Variants in FBXW9 observed in about 807,000 individuals in gnomAD.
The protein encoded by FBXW9 is F-box/WD repeat-containing protein 9.
A neutral mutation model predicts 55.8 loss-of-function variants in FBXW9; 38 were observed. The ratio of observed to expected loss-of-function variants is 0.68; its 90% CI spans 0.53 to 0.89. FBXW9 has a LOEUF of 0.89. Among genes scored for constraint, FBXW9 ranks in the 40% least tolerant of loss-of-function variants. FBXW9 has a pLI of 0.00. For synonymous variants in FBXW9, 289 were observed against 278.2 expected, an observed-to-expected ratio of 1.04 and a Z score of -0.38; for missense variants, 590 against 619.4, an observed-to-expected ratio of 0.95 and a Z score of 0.50.
At position 12,696,220 on chromosome 19, in the gene FBXW9, C is replaced by T. The variant is rs1424804142; in HGVS notation, c.362G>A (p.Arg121Lys). 1.9e-6 allele frequency: 3 copies of T among 1,557,200 alleles called. No individual in the cohort carries two copies. Among genetic ancestry groups the T allele is most frequent in the African/African-American group, 2.7e-5 (2 of 73,330 alleles). Reference sequence around the variant, plus strand: ...GCGTACGCGGCGTAGCGCGCGTAGCCTCCAGGTGACATGGTCAGACACGAG... The same window carrying T: ...GCGTACGCGGCGTAGCGCGCGTAGCTTCCAGGTGACATGGTCAGACACGAG... ...RDLVSDHVTWRLRALRRVRAP... is the reference protein window; with the variant it reads ...RDLVSDHVTWKLRALRRVRAP... The change falls in exon 1 of 10, where the codon AGG becomes AAG. Residue 121 changes from arginine (R) to lysine (K), a missense_variant. Coordinates refer to ENST00000393261, the MANE Select transcript of FBXW9 (RefSeq NM_032301.3).
Position 12,689,389 on chromosome 19 carries a change from C to T in FBXW9, c.1285G>A (p.Asp429Asn), listed in dbSNP as rs1299390528. Reference sequence around the variant, plus strand: ...GACCTTACCCTATTGAGCCCATTGTCATGCCTTCGGGTGCAAATGGTCCTT... The same window carrying T: ...GACCTTACCCTATTGAGCCCATTGTTATGCCTTCGGGTGCAAATGGTCCTT... The part of the protein sequence containing the change: ...PPRTICTRRH[D>N]NGLNRVCAEG... The change falls in exon 9 of 10, where the codon GAC becomes AAC. Residue 429 changes from aspartate (D) to asparagine (N), a missense_variant. Transcript: ENST00000393261. This position sits in a 1 kb window ranked among gnomAD's most constrained non-coding sequence, Gnocchi z 5.9. 1.2e-6 allele frequency: 2 copies of T among 1,614,056 alleles called. No homozygotes were observed. The highest frequency in any genetic ancestry group is 1.7e-6 in the Non-Finnish European group (2 of 1,180,054).
rs145391455 is a variant in FBXW9 at position 12,691,899 on chromosome 19, G to A, written c.679-445C>T. Among the ~76,000 whole-genome samples the A allele has an allele frequency of 6.1e-3, 930 of 152,020 alleles. 7 individuals are homozygous for A. Among genetic ancestry groups the A allele is most frequent in the African/African-American group, 0.021 (872 of 41,444 alleles). On this transcript the variant is annotated intron_variant, in intron 3 of 9. Coordinates refer to ENST00000393261, the MANE Select transcript of FBXW9 (RefSeq NM_032301.3). ...GCCTCTCTAGTAGCTGGGATTACAC[G>A]CTTGTGCCACCACGCCCGGCTAATT...
chr19:12,689,724 G>C lies in FBXW9; in HGVS notation c.1146+37C>G, dbSNP rs754375906. Reference sequence around the variant, plus strand: ...GGGGCTCGGGTAGGAAGGAAGCCCGGGGGGAGGGACAGTCAGGGGCAGGAG... The same window carrying C: ...GGGGCTCGGGTAGGAAGGAAGCCCGCGGGGAGGGACAGTCAGGGGCAGGAG... On this transcript the variant is annotated intron_variant, in intron 7 of 9. Coordinates refer to ENST00000393261, the MANE Select transcript of FBXW9 (RefSeq NM_032301.3). This position sits in a 1 kb window ranked among gnomAD's most constrained non-coding sequence, Gnocchi z 5.9. 3.7e-6 allele frequency: 6 copies of C among 1,610,518 alleles called. No individual in the cohort carries two copies. Among genetic ancestry groups the C allele is most frequent in the Non-Finnish European group, 5.1e-6 (6 of 1,176,924 alleles).
intron 3 of FBXW9, among the ~76,000 whole-genome samples, chr19:12,692,321 G>A (rs1390599193): frequency 2.0e-5 from 3 of 148,056 alleles, no homozygotes; most frequent in Non-Finnish European, 3.0e-5. Context: ...TCCGCCTCCC[G>A]AGTTCAAGCA....
rs1445453198 is a variant in FBXW9, at chr19:12,694,884, C to T, written c.464G>A (p.Arg155His). Residue 155 changes from arginine (R) to histidine (H), a missense_variant, in exon 2 of 10, where the codon CGC becomes CAC. Arg to His is a conservative substitution (Grantham distance 29). Coordinates refer to ENST00000393261, the MANE Select transcript of FBXW9 (RefSeq NM_032301.3). ...ACIALEQHLS[R>H]WAEDGRWVEY... Reference sequence around the variant, plus strand: ...GACCCAGCGCCCATCCTCTGCCCAGCGGGACAGGTGCTGCTCCAGCGCAAT... The same window carrying T: ...GACCCAGCGCCCATCCTCTGCCCAGTGGGACAGGTGCTGCTCCAGCGCAAT... 5.0e-6 allele frequency: 8 copies of T among 1,613,948 alleles called. No homozygotes were observed. In the African/African-American group the frequency reaches 5.3e-5, roughly 11 times the overall value.
Position 12,689,244 on chromosome 19 carries a change from G to A in FBXW9, c.1349C>T (p.Ser450Leu), listed in dbSNP as rs751530952. The part of the protein sequence containing the change: ...NLVVAGSGDL[S>L]LEVWRLQA ...GGCCTGCAGCCTCCAGACCTCTAGCGACAGGTCTCCAGAGCCGGCCACCAC... is the reference window on the plus strand; with the variant it reads ...GGCCTGCAGCCTCCAGACCTCTAGCAACAGGTCTCCAGAGCCGGCCACCAC... Residue 450 changes from serine (S) to leucine (L), a missense_variant, in exon 10 of 10, where the codon TCG becomes TTG. Coordinates refer to ENST00000393261, the MANE Select transcript of FBXW9 (RefSeq NM_032301.3). This position sits in a 1 kb window ranked among gnomAD's most constrained non-coding sequence, Gnocchi z 5.9. 1.7e-5 allele frequency: 27 copies of A among 1,613,508 alleles called. No individual in the cohort carries two copies. The highest frequency in any genetic ancestry group is 7.7e-5 in the South Asian group (7 of 91,086).
chr19:12,689,595 C>T lies in FBXW9; in HGVS notation c.1182G>A (p.Gly394=). 3.1e-6 allele frequency: 5 copies of T among 1,614,092 alleles called. No individual in the cohort carries two copies. The highest frequency in any genetic ancestry group is 4.2e-6 in the Non-Finnish European group (5 of 1,179,986). ...FDVGHSFPIT[G]IQYSVGALYT... The stretch of plus-strand genomic sequence containing the variant: ...ACAAGGCTCCCACGGAGTACTGGAT[C>T]CCAGTGATGGGAAAGCTGTGGCCCA... Residue 394 remains glycine (G), a synonymous_variant, in exon 8 of 10, where the codon GGG becomes GGA. Transcript: ENST00000393261. This position sits in a 1 kb window ranked among gnomAD's most constrained non-coding sequence, Gnocchi z 5.9.
In FBXW9 at chr19:12,694,784, C is replaced by T; in HGVS notation, c.549+15G>A. ...CTGGCCCACCCTGCCTGGCCCCCCA[C>T]AGACCCCGTCTCACCTGGAGCAGCA... On this transcript the variant is annotated intron_variant, in intron 2 of 9. Coordinates refer to ENST00000393261, the MANE Select transcript of FBXW9 (RefSeq NM_032301.3). The T allele has an allele frequency of 6.2e-7, 1 of 1,613,788 alleles. No individual in the cohort carries two copies. Among genetic ancestry groups the T allele is most frequent in the Non-Finnish European group, 8.5e-7 (1 of 1,179,796 alleles).
chr19:12,690,338 C>T (rs948293415), intron 5 of FBXW9: 5 of 679,344 alleles, frequency 7.4e-6, no homozygotes, highest in African/African-American at 5.3e-5. Context: ...ATCCCTCCTC[C>T]GATCCCATCT....
At position 12,690,094 on chromosome 19, in the gene FBXW9, C is replaced by T. The variant is rs780911943; in HGVS notation, c.900G>A (p.Leu300=). 1.2e-6 allele frequency: 2 copies of T among 1,613,888 alleles called. No individual in the cohort carries two copies. Among genetic ancestry groups the T allele is most frequent in the Admixed American group, 1.7e-5 (1 of 60,018 alleles). Residue 300 remains leucine, a synonymous_variant, in exon 6 of 10, where the codon TTG becomes TTA. Coordinates refer to ENST00000393261, the MANE Select transcript of FBXW9 (RefSeq NM_032301.3). ...GTCTGGAGTGTAGTTGCTGGTGCTTCAACAGGGCTGGGCCGGCTTCATGGG... is the reference window on the plus strand; with the variant it reads ...GTCTGGAGTGTAGTTGCTGGTGCTTTAACAGGGCTGGGCCGGCTTCATGGG... The part of the protein sequence containing the change: ...IYDPRAGPAL[L]KHQQLHSRPV...
In FBXW9 at chr19:12,696,457, T is replaced by G; in HGVS notation, c.125A>C (p.Lys42Thr). The G allele has an allele frequency of 1.2e-6, 2 of 1,612,572 alleles. No individual in the cohort carries two copies. The highest frequency in any genetic ancestry group is 1.7e-6 in the Non-Finnish European group (2 of 1,179,870). Reference protein sequence around the residue: ...AYVARVLSPPKSGLAFSRPSQ... With the variant: ...AYVARVLSPPTSGLAFSRPSQ... ...GGGGCGCGAGAACGCCAGCCCGGATTTTGGCGGACTGAGAACGCGGGCCAC... is the reference window on the plus strand; with the variant it reads ...GGGGCGCGAGAACGCCAGCCCGGATGTTGGCGGACTGAGAACGCGGGCCAC... Residue 42 changes from lysine to threonine, a missense_variant, in exon 1 of 10, where the codon AAA becomes ACA. Coordinates refer to ENST00000393261, the MANE Select transcript of FBXW9 (RefSeq NM_032301.3).
chr19:12,691,177 T>C lies in FBXW9; in HGVS notation c.872A>G (p.Tyr291Cys). 1 of 1,614,192 alleles carries C rather than the reference T, an allele frequency of 6.2e-7. No individual in the cohort carries two copies. The highest frequency in any genetic ancestry group is 8.5e-7 in the Non-Finnish European group (1 of 1,180,016). The stretch of plus-strand genomic sequence containing the variant: ...GACCCTTGGCCCACCTCTGGGGTCG[T>C]AGATGGTCACCTTCTTGTCATAGGT... Reference protein sequence around the residue: ...TGTYDKKVTIYDPRAGPALLK... With the variant: ...TGTYDKKVTICDPRAGPALLK... Residue 291 changes from tyrosine to cysteine, a missense_variant, in exon 5 of 10, where the codon TAC becomes TGC. Transcript: ENST00000393261.
At chr19:12,691,284 TG>T (rs2025004143) in intron 4 of FBXW9, 27 bp from the exon 5 acceptor site, 2 of 1,613,348 alleles carry the variant, frequency 1.2e-6, no homozygotes, top group Non-Finnish European at 1.7e-6. Context: ...CACAGGGCTT[TG>T]GCTGTGGCCA....
chr19:12,694,547 A>T (rs781277348), intron 3 of FBXW9, 47 bp downstream of exon 3: 2 of 1,589,332 alleles, frequency 1.3e-6, no homozygotes, highest in Admixed American at 1.7e-5. Context: ...CTTAACCAAG[A>T]TGCCCTACTC....
chr19:12,696,282 G>A lies in FBXW9; in HGVS notation c.300C>T (p.Leu100=), dbSNP rs752062927. Residue 100 remains leucine, a synonymous_variant, in exon 1 of 10, where the codon CTC becomes CTT. Coordinates refer to ENST00000393261, the MANE Select transcript of FBXW9 (RefSeq NM_032301.3). ...ICSYLDARLV[L]HVLSRVCHAL... ...CGTGGCACACCCGCGACAGGACGTG[G>A]AGCACGAGGCGGGCGTCCAGGTAGG... 1.3e-6 allele frequency: 2 copies of A among 1,575,312 alleles called. No individual in the cohort carries two copies. The highest frequency in any genetic ancestry group is 1.2e-5 in the South Asian group (1 of 86,812).
rs2024976262 is a variant in FBXW9, at chr19:12,689,683, C to T, written c.1147-53G>A. 2 of 1,608,420 alleles carry T rather than the reference C, an allele frequency of 1.2e-6. No homozygotes were observed. The highest frequency in any genetic ancestry group is 1.7e-5 in the Admixed American group (1 of 59,940). The stretch of plus-strand genomic sequence containing the variant: ...AGTCGAGGCTCTCCCAAGGCCCGCC[C>T]TCCCCCACACCACCAGGGGCTCGGG... On this transcript the variant is annotated intron_variant, in intron 7 of 9. Transcript: ENST00000393261. This position sits in a 1 kb window ranked among gnomAD's most constrained non-coding sequence, Gnocchi z 5.9.
Position 12,696,455 on chromosome 19 carries a change from A to G in FBXW9, c.127T>C (p.Ser43Pro). The part of the protein sequence containing the change: ...YVARVLSPPK[S>P]GLAFSRPSQL... ...GAGGGGCGCGAGAACGCCAGCCCGG[A>G]TTTTGGCGGACTGAGAACGCGGGCC... is the stretch of plus-strand genomic sequence containing the variant. The change falls in exon 1 of 10, where the codon TCC (serine) becomes CCC (proline). Residue 43 changes from serine (S) to proline (P), a missense_variant. Ser to Pro is a moderately conservative substitution (Grantham distance 74). Transcript: ENST00000393261. 1 of 1,612,462 alleles carries G rather than the reference A, an allele frequency of 6.2e-7. No individual in the cohort carries two copies. The highest frequency in any genetic ancestry group is 8.5e-7 in the Non-Finnish European group (1 of 1,179,850).
chr19:12,689,386 T>C lies in FBXW9; in HGVS notation c.1288A>G (p.Asn430Asp). 1.9e-6 allele frequency: 3 copies of C among 1,614,100 alleles called. No individual in the cohort carries two copies. Among genetic ancestry groups the C allele is most frequent in the Non-Finnish European group, 2.5e-6 (3 of 1,180,008 alleles). Residue 430 changes from asparagine to aspartate, a missense_variant, in exon 9 of 10, where the codon AAT (asparagine) becomes GAT (aspartate). By Grantham distance (23) the Asn-to-Asp change is conservative (BLOSUM62 1). Coordinates refer to ENST00000393261, the MANE Select transcript of FBXW9 (RefSeq NM_032301.3). The surrounding 1 kb of genome is among the most constrained non-coding windows in gnomAD (Gnocchi z 5.9). ...CAGGACCTTACCCTATTGAGCCCAT[T>C]GTCATGCCTTCGGGTGCAAATGGTC... The part of the protein sequence containing the change: ...PRTICTRRHD[N>D]GLNRVCAEGN...
chr19:12,694,593 C>A lies in FBXW9; in HGVS notation c.678+1G>T, dbSNP rs773982207. Reference sequence around the variant, plus strand: ...CCTCCTATCCCCACCTGACTCCTCACCTCATGGGTACTATTTCGCTTAGTG... The same window carrying A: ...CCTCCTATCCCCACCTGACTCCTCAACTCATGGGTACTATTTCGCTTAGTG... On this transcript the variant is annotated splice_donor_variant, in intron 3 of 9. Coordinates refer to ENST00000393261, the MANE Select transcript of FBXW9 (RefSeq NM_032301.3). LOFTEE classifies it high-confidence loss of function. 9.9e-6 allele frequency: 16 copies of A among 1,613,904 alleles called. 1 individual carries two copies. The highest frequency in any genetic ancestry group is 1.4e-5 in the Non-Finnish European group (16 of 1,179,786).
Sources: allele counts gnomAD v4.1 joint callset (sites outside exome capture counted in the v4.1 genomes callset), GRCh38; gene constraint gnomAD v4.1.1; non-coding constraint Gnocchi (gnomAD v3.1); transcripts MANE v1.5; gene names NCBI Gene and HGNC (gene_info 2026-07-23, HGNC 2026-07-21).